The following B4GALT6 variants were observed in gnomAD, a reference collection of about 807,000 sequenced individuals.
The protein encoded by B4GALT6 is UDP-Gal:beta-GlcNAc beta-1,4-galactosyltransferase 6.
B4GALT6 carries 14 observed loss-of-function variants against 46.3 expected under a neutral mutation model. That is an observed-to-expected ratio of 0.30 (90% CI 0.20 to 0.47). The LOEUF is 0.47. B4GALT6 is among the 20% of genes least tolerant of loss of function. B4GALT6 has a pLI of 0.99. For missense variants in B4GALT6, 386 were observed against 480.1 expected (o/e 0.80, Z 1.83); for synonymous variants, 168 against 162.0 (o/e 1.04, Z -0.28).
chr18:31,718,364 G>T, the B4GALT6 span, among the ~76,000 whole-genome samples: 5 of 152,226 alleles, frequency 3.3e-5, no homozygotes, highest in Non-Finnish European at 5.9e-5. Context: ...TAGTGCCAAG[G>T]TTAAGAAACC....
At chr18:31,682,169 A>G (rs1460977445) in intron 1 of B4GALT6, among the ~76,000 whole-genome samples, 2 of 152,246 alleles carry the variant, frequency 1.3e-5, no homozygotes, top group Non-Finnish European at 2.9e-5. Context: ...GAAAATGAGC[A>G]AAGTGAGCCT....
At chr18:31,668,791 G>A (rs2074313176) in intron 1 of B4GALT6, among the ~76,000 whole-genome samples, 1 of 151,526 alleles carries the variant, frequency 6.6e-6, no homozygotes, top group Non-Finnish European at 1.5e-5. Context: ...CTTGAGGTCA[G>A]GAGTTTGAGA....
chr18:31,715,537 CTTTTTTTTTT>C, the B4GALT6 span, among the ~76,000 whole-genome samples: 5 of 49,626 alleles, frequency 1.0e-4, no homozygotes, highest in East Asian at 8.6e-4. Flanking sequence ...CTGGAACTGT[CTTTTTTTTTT>C]TTTTTTTTTT....
intron 5 of B4GALT6, among the ~76,000 whole-genome samples, chr18:31,636,446 G>A (rs2073859911): frequency 6.6e-6 from 1 of 152,122 alleles, no homozygotes; most frequent in Non-Finnish European, 1.5e-5. Flanking sequence ...TAAAATATGA[G>A]AAAAAGATCT....
the B4GALT6 span, among the ~76,000 whole-genome samples, chr18:31,705,578 A>G: frequency 6.6e-6 from 1 of 152,170 alleles, no homozygotes; most frequent in Non-Finnish European, 1.5e-5. Flanking sequence ...TAGTAGAGTC[A>G]GGGCTTCGCC....
At position 31,625,799 on chromosome 18, in the gene B4GALT6, C is replaced by T. The variant is rs774820665; in HGVS notation, c.1002-38G>A. ...AGGAAAAAACAAAAAAGCAACAAAA[C>T]ATGTTCAAAAAGGAAAACTGATAAG... On this transcript the variant is annotated intron_variant, in intron 8 of 8. Coordinates refer to ENST00000306851, the MANE Select transcript of B4GALT6 (RefSeq NM_004775.5). 12 of 1,532,886 alleles carry T rather than the reference C, an allele frequency of 7.8e-6. No individual in the cohort carries two copies. In the South Asian group the frequency reaches 1.4e-4, roughly 18 times the overall value. The allele number at this position is 1,532,886 out of a possible 1,614,324, so 95.0% of individuals were successfully genotyped here. A position where few individuals can be genotyped will look rare whatever the true frequency, so the allele number is the denominator to read the frequency against.
At chr18:31,684,620 A>G (rs374654856), upstream of B4GALT6, 54 of 1,112,030 alleles carry the variant, frequency 4.9e-5, no homozygotes, top group African/African-American at 9.7e-4. Flanking sequence ...GGGAGGCCAG[A>G]GAGTCGGGGG....
chr18:31,691,343 ATATT>A, the B4GALT6 span, among the ~76,000 whole-genome samples: 3 of 74,640 alleles, frequency 4.0e-5, no homozygotes, highest in Non-Finnish European at 5.9e-5. Flanking sequence ...ATATATATAT[ATATT>A]GCTCTGGGTT....
At chr18:31,682,647 G>C (rs2144754692) in intron 1 of B4GALT6, among the ~76,000 whole-genome samples, 1 of 152,170 alleles carries the variant, frequency 6.6e-6, no homozygotes, top group East Asian at 1.9e-4. Context: ...GATTTCCTTT[G>C]GTTAGCTTTT....
chr18:31,632,636 T>TAC (rs909250710), intron 5 of B4GALT6, among the ~76,000 whole-genome samples: 40 of 152,352 alleles, frequency 2.6e-4, no homozygotes, highest in African/African-American at 9.6e-4. Context: ...CTCCTGCCCC[T>TAC]ACCTCTATTC....
Position 31,634,593 on chromosome 18 carries a change from T to C in B4GALT6, c.589-3447A>G, listed in dbSNP as rs185631367. Among the ~76,000 whole-genome samples, 76 of 152,332 alleles carry C rather than the reference T, an allele frequency of 5.0e-4. No homozygotes were observed. The East Asian group carries it at 0.01, about 21-fold the overall frequency. ...CCCACGACTTTCTGTCCTTGAGGTT[T>C]AATAACTTTTCAAAAGTTTTCTTCT... On this transcript the variant is annotated intron_variant, in intron 5 of 8. Coordinates refer to ENST00000306851, the MANE Select transcript of B4GALT6 (RefSeq NM_004775.5).
intron 2 of B4GALT6, among the ~76,000 whole-genome samples, chr18:31,664,946 AGT>A (rs2074266129): frequency 6.6e-6 from 1 of 152,208 alleles, no homozygotes; most frequent in South Asian, 2.1e-4. Flanking sequence ...ATAAAACAAG[AGT>A]GTTTTGATTT....
intron 7 of B4GALT6, 50 bp downstream of exon 7, chr18:31,626,945 TATAA>T: frequency 6.7e-7 from 1 of 1,491,698 alleles, no homozygotes; most frequent in East Asian, 2.3e-5. Flanking sequence ...ATTTACCTAA[TATAA>T]ATAAGATTTA....
chr18:31,682,504 G>C (rs890642409), intron 1 of B4GALT6, among the ~76,000 whole-genome samples: 1 of 152,054 alleles, frequency 6.6e-6, no homozygotes, highest in African/African-American at 2.4e-5. Flanking sequence ...CATTATATCA[G>C]TGACCGTTCT....
the B4GALT6 span, among the ~76,000 whole-genome samples, chr18:31,702,469 T>C: frequency 2.8e-3 from 420 of 152,344 alleles, 2 homozygotes; most frequent in African/African-American, 9.7e-3. Flanking sequence ...TCCATGTAAG[T>C]TGATACAGCC....
intron 1 of B4GALT6, among the ~76,000 whole-genome samples, chr18:31,667,429 C>T (rs912757773): frequency 2.0e-5 from 3 of 152,130 alleles, no homozygotes; most frequent in Non-Finnish European, 4.4e-5. Context: ...AAGATGAATG[C>T]TGAATGAAAA....
the B4GALT6 span, among the ~76,000 whole-genome samples, chr18:31,699,144 C>T: frequency 1.3e-5 from 2 of 151,672 alleles, no homozygotes; most frequent in Admixed American, 6.6e-5. Context: ...TCAGACTTCT[C>T]TACAGGAACA....
chr18:31,686,467 CTG>C (rs1156320893), upstream of B4GALT6: 5 of 152,304 alleles, frequency 3.3e-5, no homozygotes, highest in East Asian at 5.8e-4. Flanking sequence ...AAATGGATAA[CTG>C]TGCATAATGC....
intron 1 of B4GALT6, among the ~76,000 whole-genome samples, chr18:31,683,905 C>G (rs957427920): frequency 2.6e-5 from 4 of 152,108 alleles, no homozygotes; most frequent in African/African-American, 9.7e-5. Flanking sequence ...GCTGGCTCCT[C>G]CATATTTTTA....
Sources: gnomAD v4.1 joint callset for allele counts (sites outside exome capture counted in the v4.1 genomes callset) on GRCh38, gnomAD v4.1.1 for gene constraint, MANE v1.5 for transcripts, NCBI Gene and HGNC (gene_info 2026-07-23, HGNC 2026-07-21) for gene names.